ABHD18: variants seen among roughly 807,000 people sequenced by gnomAD.
ABHD18 encodes cardiolipin-specific deacylase, mitochondrial.
A neutral mutation model predicts 65.9 loss-of-function variants in ABHD18; 55 were observed. The ratio of observed to expected loss-of-function variants is 0.84; its 90% CI spans 0.67 to 1.05. ABHD18 has a LOEUF of 1.05. ABHD18 is among the 50% of genes least tolerant of loss of function. The pLI, the probability that ABHD18 is intolerant of heterozygous loss-of-function variation, is 0.00. For synonymous variants in ABHD18, 181 were observed against 180.2 expected (o/e 1.00, Z -0.04); for missense variants, 533 against 558.5 (o/e 0.95, Z 0.46).
chr4:128,034,098 A>T (rs1758596979), intron 12 of ABHD18, among the ~76,000 whole-genome samples: 1 of 150,478 alleles, frequency 6.6e-6, no homozygotes, highest in Non-Finnish European at 1.5e-5. Flanking sequence ...AGCTGGGATT[A>T]CAGGCACCCA....
chr4:128,034,620 T>C (rs1222557664), intron 12 of ABHD18, among the ~76,000 whole-genome samples: 2 of 152,018 alleles, frequency 1.3e-5, no homozygotes, highest in African/African-American at 2.4e-5. Flanking sequence ...AAATATCTTA[T>C]GGAAGATAAA....
At chr4:128,011,310 A>G (rs984676570) in intron 6 of ABHD18, among the ~76,000 whole-genome samples, 2 of 151,814 alleles carry the variant, frequency 1.3e-5, no homozygotes, top group Non-Finnish European at 2.9e-5. Context: ...CACCTCGCCC[A>G]GCTAATTTTT....
At chr4:128,011,787 C>G in intron 7 of ABHD18, 87 bp downstream of exon 7, 2 of 781,484 alleles carry the variant, frequency 2.6e-6, no homozygotes, top group South Asian at 5.0e-5. Flanking sequence ...TTAACCATTT[C>G]TAAATTGAAT....
At chr4:128,003,442 C>T (rs1193891931) in intron 4 of ABHD18, among the ~76,000 whole-genome samples, 2 of 148,742 alleles carry the variant, frequency 1.3e-5, no homozygotes, top group African/African-American at 2.5e-5. Flanking sequence ...CATAGAGAAA[C>T]TACCAAATAA....
At chr4:128,031,572 T>C (rs1758224625) in intron 12 of ABHD18, among the ~76,000 whole-genome samples, 1 of 152,236 alleles carries the variant, frequency 6.6e-6, no homozygotes, top group Admixed American at 6.5e-5. Flanking sequence ...TTGATTCACA[T>C]AAATGGTTAG....
intron 10 of ABHD18, among the ~76,000 whole-genome samples, chr4:128,025,806 A>T (rs1757252737): frequency 6.6e-6 from 1 of 152,220 alleles, no homozygotes; most frequent in South Asian, 2.1e-4. Context: ...GGCACTGGAA[A>T]ATGGCGTAGT....
At chr4:127,981,750 T>C (rs1417802348) in intron 1 of ABHD18, among the ~76,000 whole-genome samples, 3 of 152,154 alleles carry the variant, frequency 2.0e-5, no homozygotes, top group Middle Eastern at 3.2e-3. Context: ...TTGAACATTA[T>C]TGTGTCAAAA....
At chr4:128,018,126 T>C (rs1755825918) in intron 8 of ABHD18, among the ~76,000 whole-genome samples, 1 of 152,210 alleles carries the variant, frequency 6.6e-6, no homozygotes, top group South Asian at 2.1e-4. Flanking sequence ...CTTACCCTTC[T>C]GTTTCAGCTG....
intron 4 of ABHD18, chr4:128,001,788 A>G: frequency 6.5e-7 from 1 of 1,539,082 alleles, no homozygotes; most frequent in Non-Finnish European, 8.7e-7. Context: ...TCTCTCTAGA[A>G]ACTTTTGTGG....
chr4:128,002,094 G>A (rs530807917), intron 4 of ABHD18, among the ~76,000 whole-genome samples: 2 of 152,006 alleles, frequency 1.3e-5, no homozygotes, highest in South Asian at 4.2e-4. Context: ...GGCCAACATG[G>A]TAAAACCCGA....
chr4:128,014,372 A>G (rs1274135135), intron 7 of ABHD18, among the ~76,000 whole-genome samples: 1 of 152,114 alleles, frequency 6.6e-6, no homozygotes, highest in Non-Finnish European at 1.5e-5. Context: ...AAGCAAGAAG[A>G]GTTTATTTAG....
intron 12 of ABHD18, among the ~76,000 whole-genome samples, chr4:128,035,401 G>C (rs1008187892): frequency 6.6e-5 from 10 of 151,960 alleles, no homozygotes; most frequent in African/African-American, 2.2e-4. Flanking sequence ...GTGATACCCC[G>C]TCTCTACTAA....
intron 8 of ABHD18, 79 bp from the exon 9 acceptor site, chr4:128,020,001 G>T (rs1327518901): frequency 2.2e-6 from 2 of 922,866 alleles, no homozygotes; most frequent in Non-Finnish European, 3.3e-6. Context: ...TTACTGCACG[G>T]AATGCTTATT....
intron 1 of ABHD18, among the ~76,000 whole-genome samples, chr4:127,972,073 A>G (rs185334875): frequency 4.5e-4 from 68 of 152,282 alleles, no homozygotes; most frequent in African/African-American, 1.5e-3. Context: ...GGAAACAGCT[A>G]AATTTATGAT....
intron 9 of ABHD18, among the ~76,000 whole-genome samples, chr4:128,020,529 G>C (rs892169022): frequency 1.3e-5 from 2 of 152,182 alleles, no homozygotes; most frequent in African/African-American, 4.8e-5. Flanking sequence ...TTTATCAGGG[G>C]TTAGTGACTT....
intron 12 of ABHD18, among the ~76,000 whole-genome samples, chr4:128,032,635 A>G (rs1382916077): frequency 6.6e-6 from 1 of 152,090 alleles, no homozygotes; most frequent in African/African-American, 2.4e-5. Flanking sequence ...GCAGTGAGCT[A>G]TCGCACCACT....
intron 7 of ABHD18, among the ~76,000 whole-genome samples, chr4:128,016,640 T>G (rs1237909498): frequency 1.3e-5 from 2 of 152,074 alleles, no homozygotes; most frequent in Non-Finnish European, 2.9e-5. Flanking sequence ...CCAGGCGTGG[T>G]GGCTCACGCC....
chr4:127,989,646 T>A, intron 3 of ABHD18, 75 bp from the exon 4 acceptor site: 1 of 962,608 alleles, frequency 1.0e-6, no homozygotes, highest in South Asian at 1.9e-5. Context: ...TAGAACTTTT[T>A]ATTAGAAGAA....
chr4:128,035,835 G>C lies in ABHD18; in HGVS notation c.*22G>C. On this transcript the variant is annotated 3_prime_UTR_variant, in exon 13 of 13. Transcript: ENST00000645843. ...CTAGTTGGATTATTATATGTAACCA[G>C]TGTGGCCATGATGTTTCTTACAAAA... The C allele has an allele frequency of 6.8e-7, 1 of 1,481,324 alleles. No individual in the cohort carries two copies. Among genetic ancestry groups the C allele is most frequent in the African/African-American group, 1.4e-5 (1 of 71,586 alleles). 91.8% of individuals were successfully genotyped at this position (1,481,324 alleles called of 1,614,324 possible). A position where few individuals can be genotyped will look rare whatever the true frequency, so the allele number is the denominator to read the frequency against.
Sources: gnomAD v4.1 joint callset for allele counts (sites outside exome capture counted in the v4.1 genomes callset) on GRCh38, gnomAD v4.1.1 for gene constraint, MANE v1.5 for transcripts, NCBI Gene and HGNC (gene_info 2026-07-23, HGNC 2026-07-21) for gene names.